The following ABTB3 variants were observed in gnomAD, a reference collection of about 807,000 sequenced individuals.
The protein encoded by ABTB3 is ankyrin repeat and BTB domain containing 3, also known as ankyrin repeat- and BTB/POZ domain-containing protein 3.
chr12:107,550,981 C>A, the ABTB3 span, among the ~76,000 whole-genome samples: 1 of 152,218 alleles, frequency 6.6e-6, no homozygotes, highest in African/African-American at 2.4e-5. Flanking sequence ...TCACAACTGA[C>A]TGGCTTACAC....
chr12:107,620,378 G>C, the ABTB3 span, among the ~76,000 whole-genome samples: 1 of 152,168 alleles, frequency 6.6e-6, no homozygotes, highest in African/African-American at 2.4e-5. Context: ...AAGGCACTTG[G>C]GCACATGGAC....
At chr12:107,646,053 T>G in the ABTB3 span, among the ~76,000 whole-genome samples, 5 of 152,310 alleles carry the variant, frequency 3.3e-5, no homozygotes, top group South Asian at 1.0e-3. Flanking sequence ...GCTTCGGGTC[T>G]CCTCCCCCAA....
At chr12:107,439,475 A>G in the ABTB3 span, among the ~76,000 whole-genome samples, 2 of 152,190 alleles carry the variant, frequency 1.3e-5, no homozygotes, top group South Asian at 4.2e-4. Flanking sequence ...GTGGATGCCG[A>G]GCCCATCTGT....
chr12:107,551,227 A>G, the ABTB3 span, among the ~76,000 whole-genome samples: 1 of 152,206 alleles, frequency 6.6e-6, no homozygotes, highest in Non-Finnish European at 1.5e-5. Flanking sequence ...GGCTCTGGAG[A>G]AACTCAGAGT....
chr12:107,366,527 G>T, the ABTB3 span, among the ~76,000 whole-genome samples: 1 of 152,222 alleles, frequency 6.6e-6, no homozygotes, highest in Non-Finnish European at 1.5e-5. Context: ...AGTCATGCCT[G>T]CTGGGGAGTG....
chr12:107,350,590 G>T, the ABTB3 span, among the ~76,000 whole-genome samples: 4 of 151,948 alleles, frequency 2.6e-5, no homozygotes, highest in Admixed American at 2.6e-4. Context: ...GAGACCTAGG[G>T]GTAAATTTCC....
the ABTB3 span, among the ~76,000 whole-genome samples, chr12:107,490,568 C>G: frequency 1.1e-3 from 175 of 152,174 alleles, 1 homozygote; most frequent in African/African-American, 4.0e-3. Flanking sequence ...TCTCATGCCC[C>G]TAGGAATCCG....
At chr12:107,385,547 C>T in the ABTB3 span, among the ~76,000 whole-genome samples, 1 of 152,166 alleles carries the variant, frequency 6.6e-6, no homozygotes, top group Admixed American at 6.5e-5. Context: ...GCCTGTCCTT[C>T]CTTCCTGCTG....
the ABTB3 span, among the ~76,000 whole-genome samples, chr12:107,375,571 C>T: frequency 5.7e-4 from 87 of 152,290 alleles, no homozygotes; most frequent in Non-Finnish European, 9.4e-4. Context: ...ACCGGGGGCC[C>T]GGTGCCGTTC....
chr12:107,320,796 G>A, the ABTB3 span, among the ~76,000 whole-genome samples: 8 of 152,288 alleles, frequency 5.3e-5, 1 homozygote, highest in South Asian at 1.5e-3. Context: ...CTCTGGCAGG[G>A]AGCTGCAGCT....
At chr12:107,654,832 A>ACACACACACACACG in the ABTB3 span, among the ~76,000 whole-genome samples, 53 of 147,458 alleles carry the variant, frequency 3.6e-4, no homozygotes, top group South Asian at 8.6e-4. Flanking sequence ...ACACACACAC[A>ACACACACACACACG]CACACACACA....
the ABTB3 span, among the ~76,000 whole-genome samples, chr12:107,562,261 C>A: frequency 6.6e-6 from 1 of 152,134 alleles, no homozygotes; most frequent in Admixed American, 6.5e-5. Flanking sequence ...AAATATCAGG[C>A]ACAGAGAAGT....
chr12:107,425,643 C>A, the ABTB3 span, among the ~76,000 whole-genome samples: 1 of 152,124 alleles, frequency 6.6e-6, no homozygotes, highest in Non-Finnish European at 1.5e-5. Context: ...GGGTGAAAAC[C>A]AGACCGCTTT....
chr12:107,352,966 G>C, the ABTB3 span, among the ~76,000 whole-genome samples: 6 of 152,116 alleles, frequency 3.9e-5, no homozygotes, highest in Non-Finnish European at 8.8e-5. Context: ...CTGTGGAGAG[G>C]GTAAGTATTT....
At chr12:107,467,723 T>G in the ABTB3 span, among the ~76,000 whole-genome samples, 3 of 152,172 alleles carry the variant, frequency 2.0e-5, no homozygotes, top group Non-Finnish European at 2.9e-5. Flanking sequence ...GAAGCAAAGT[T>G]CATTTTTTCC....
the ABTB3 span, among the ~76,000 whole-genome samples, chr12:107,613,856 C>CTG: frequency 6.6e-6 from 1 of 152,016 alleles, no homozygotes; most frequent in Non-Finnish European, 1.5e-5. Context: ...AGTCTCAGTA[C>CTG]TGTGTGTGTG....
chr12:107,537,801 A>G, the ABTB3 span, among the ~76,000 whole-genome samples: 8 of 152,190 alleles, frequency 5.3e-5, no homozygotes, highest in African/African-American at 1.9e-4. Flanking sequence ...CAGGAATTCC[A>G]GCCTCTGCAA....
the ABTB3 span, among the ~76,000 whole-genome samples, chr12:107,593,892 C>T: frequency 2.0e-5 from 3 of 152,196 alleles, no homozygotes; most frequent in Non-Finnish European, 2.9e-5. Flanking sequence ...GGAGATTGCA[C>T]ACGTCACTTC....
the ABTB3 span, among the ~76,000 whole-genome samples, chr12:107,382,806 T>C: frequency 2.0e-5 from 3 of 152,100 alleles, no homozygotes; most frequent in African/African-American, 7.2e-5. Context: ...AAATACCTAA[T>C]GTAGGTGATG....
Sources: allele counts gnomAD v4.1 joint callset (sites outside exome capture counted in the v4.1 genomes callset), GRCh38; gene constraint gnomAD v4.1.1; transcripts MANE v1.5; gene names NCBI Gene and HGNC (gene_info 2026-07-23, HGNC 2026-07-21).